Variants in SUGP2 observed in about 807,000 individuals in gnomAD.
SUGP2 encodes SURP and G-patch domain containing 2.
SUGP2 carries 24 observed loss-of-function variants against 90.5 expected under a neutral mutation model. The ratio of observed to expected loss-of-function variants is 0.27; its 90% CI spans 0.19 to 0.37. SUGP2 has a LOEUF of 0.37. Ranked by LOEUF, SUGP2 falls within the 10% of genes least tolerant of loss-of-function variation. The probability of loss-of-function intolerance (pLI) is 1.00; values close to 1 mark genes in which losing one functional copy is unlikely to be tolerated. For synonymous variants in SUGP2, 473 were observed against 513.4 expected, an observed-to-expected ratio of 0.92 and a Z score of 1.06; for missense variants, 1,233 against 1,363.3, an observed-to-expected ratio of 0.90 and a Z score of 1.51.
rs371808076 is a variant in SUGP2, at chr19:19,025,274, T to G, written c.1074A>C (p.Glu358Asp). 6.2e-7 allele frequency: 1 copy of G among 1,613,316 alleles called. No individual in the cohort carries two copies. Among genetic ancestry groups the G allele is most frequent in the African/African-American group, 1.3e-5 (1 of 74,912 alleles). ...SQLFQTLFEL[E>D]TETCAKMLAS... ...CAAGCATTTTAGCACAGGTTTCTGT[T>G]TCAAGTTCAAAGAGAGTCTGGAAAA... The change falls in exon 3 of 11, where the codon GAA becomes GAC. Residue 358 changes from glutamate (E) to aspartate (D), a missense_variant. Coordinates refer to ENST00000452918, the MANE Select transcript of SUGP2 (RefSeq NM_001017392.5).
chr19:18,996,478 C>T (rs772035867), intron 8 of SUGP2, among the ~76,000 whole-genome samples: 1 of 151,896 alleles, frequency 6.6e-6, no homozygotes, highest in Non-Finnish European at 1.5e-5. Context: ...CTCGGATTCC[C>T]GGCTTTAAGT....
chr19:19,013,749 C>A (rs138860786), intron 4 of SUGP2, among the ~76,000 whole-genome samples: 1 of 152,224 alleles, frequency 6.6e-6, no homozygotes, highest in Non-Finnish European at 1.5e-5. Flanking sequence ...TGTGTGAACA[C>A]GTAGGACCTG....
At chr19:19,024,475 A>T in intron 3 of SUGP2, 144 bp downstream of exon 3, 2 of 841,010 alleles carry the variant, frequency 2.4e-6, no homozygotes, top group Non-Finnish European at 3.6e-6. Context: ...TGGCAGACAT[A>T]TATTGGCCAA....
chr19:19,002,052 C>T (rs532901503), intron 7 of SUGP2, among the ~76,000 whole-genome samples: 1 of 152,208 alleles, frequency 6.6e-6, no homozygotes, highest in Non-Finnish European at 1.5e-5. Flanking sequence ...ATACTGTGCC[C>T]TCCTAGTTTA....
At position 19,026,089 on chromosome 19, in the gene SUGP2, C is replaced by G; in HGVS notation, c.259G>C (p.Gly87Arg). Residue 87 changes from glycine (G) to arginine (R), a missense_variant, in exon 3 of 11, where the codon GGG (glycine) becomes CGG (arginine). By Grantham distance (125) the Gly-to-Arg change is moderately radical (BLOSUM62 -2). Around this residue, in one of 8 missense-constraint regions of SUGP2, gnomAD observed 418 missense variants for 399.9 expected, o/e 1.05. Transcript: ENST00000452918. The stretch of plus-strand genomic sequence containing the variant: ...GGGTTGCTTGATCTGAAGGAAGGCC[C>G]TGGAAATACGTCACTTCTCAGGCCT... ...REGLRSDVFPGPSFRSSNPSI... is the reference protein window; with the variant it reads ...REGLRSDVFPRPSFRSSNPSI... 6.2e-7 allele frequency: 1 copy of G among 1,614,106 alleles called. No individual in the cohort carries two copies. The highest frequency in any genetic ancestry group is 8.5e-7 in the Non-Finnish European group (1 of 1,180,036).
chr19:19,021,273 T>C (rs115713066), intron 3 of SUGP2, among the ~76,000 whole-genome samples: 1,553 of 152,038 alleles, frequency 0.01, 22 homozygotes, highest in African/African-American at 0.023. Flanking sequence ...AATGATTGCA[T>C]AGTCCTGTGC....
intron 8 of SUGP2, among the ~76,000 whole-genome samples, chr19:18,996,831 C>T (rs1462879429): frequency 1.3e-5 from 2 of 152,188 alleles, no homozygotes; most frequent in Non-Finnish European, 2.9e-5. Flanking sequence ...GCTGGGATTA[C>T]AGGCATGAGC....
intron 1 of SUGP2, among the ~76,000 whole-genome samples, chr19:19,032,665 G>A (rs977138192): frequency 6.6e-6 from 1 of 152,108 alleles, no homozygotes; most frequent in African/African-American, 2.4e-5. Flanking sequence ...AATGACATTA[G>A]GGTGAGGAGG....
intron 6 of SUGP2, among the ~76,000 whole-genome samples, chr19:19,007,987 G>A (rs953648020): frequency 6.6e-6 from 1 of 152,068 alleles, no homozygotes; most frequent in Non-Finnish European, 1.5e-5. Context: ...TCGAACTCCT[G>A]AACTCGGGTG....
rs1426899610 is a variant in SUGP2, at chr19:19,004,275, T to C, written c.2822A>G (p.Gln941Arg). 1.9e-6 allele frequency: 3 copies of C among 1,613,726 alleles called. No homozygotes were observed. Residue 941 changes from glutamine to arginine, a missense_variant, in exon 7 of 11, where the codon CAG becomes CGG. Gln to Arg is a conservative substitution (Grantham distance 43, BLOSUM62 1). This residue lies in a region of SUGP2 where 105 missense variants were observed against 155.2 expected (regional missense o/e 0.68). Transcript: ENST00000452918. ...DDLAGAPALS[Q>R]ASSGTCFPRK... The stretch of plus-strand genomic sequence containing the variant: ...AGGGAAGCAGGTACCTGAGGAGGCC[T>C]GTGACAAGGCAGGTGCTCCAGCCAG...
chr19:19,033,751 G>T, upstream of SUGP2: 1 of 255,468 alleles, frequency 3.9e-6, no homozygotes. Context: ...AGGTGGCCTC[G>T]TTGGCTTTAC....
intron 2 of SUGP2, among the ~76,000 whole-genome samples, chr19:19,029,847 G>A (rs1281216543): frequency 1.3e-5 from 2 of 152,030 alleles, no homozygotes; most frequent in Non-Finnish European, 2.9e-5. Context: ...GGAGGCTGAG[G>A]CAGGAGAATC....
chr19:19,020,391 C>T (rs1266563842), intron 3 of SUGP2, among the ~76,000 whole-genome samples: 2 of 150,074 alleles, frequency 1.3e-5, no homozygotes, highest in Non-Finnish European at 3.0e-5. Context: ...GAGATTGCGC[C>T]ACTGCACTCC....
chr19:19,026,234 A>G lies in SUGP2; in HGVS notation c.122-8T>C. On this transcript the variant is annotated splice_polypyrimidine_tract_variant and splice_region_variant and intron_variant, in intron 2 of 10. Transcript: ENST00000452918. ...GGACTGCCCTTAAGAGATCTGAAAT[A>G]AACCATCCAAAAAAAAAAAAGAAGA... 6.7e-7 allele frequency: 1 copy of G among 1,501,140 alleles called. No homozygotes were observed. The highest frequency in any genetic ancestry group is 1.3e-5 in the South Asian group (1 of 77,194). The allele number at this position is 1,501,140 out of a possible 1,614,324, so 93.0% of individuals were successfully genotyped here.
rs775291909 is a variant in SUGP2, at chr19:19,026,195, T to C, written c.153A>G (p.Ala51=). 2 of 1,606,996 alleles carry C rather than the reference T, an allele frequency of 1.2e-6. No homozygotes were observed. Among genetic ancestry groups the C allele is most frequent in the Non-Finnish European group, 1.7e-6 (2 of 1,177,092 alleles). The change falls in exon 3 of 11, where the codon GCA becomes GCG. Residue 51 remains alanine, a synonymous_variant. Transcript: ENST00000452918. ...DLLRAVPRSR[A]EMYDDVHSDG... ...CGCTGTGGACGTCATCATACATCTC[T>C]GCTCTGGATCTTGGGACTGCCCTTA...
intron 6 of SUGP2, among the ~76,000 whole-genome samples, chr19:19,008,025 C>T (rs989948201): frequency 2.6e-5 from 4 of 152,030 alleles, no homozygotes; most frequent in Non-Finnish European, 4.4e-5. Flanking sequence ...TCCCTTAGGC[C>T]CCTGGCTCAG....
At chr19:19,001,928 C>G (rs989587804) in intron 7 of SUGP2, among the ~76,000 whole-genome samples, 1 of 152,160 alleles carries the variant, frequency 6.6e-6, no homozygotes, top group Non-Finnish European at 1.5e-5. Flanking sequence ...CGGTGCCTTG[C>G]TTTTGGAAAG....
Position 18,992,014 on chromosome 19 carries a change from C to A in SUGP2, c.*1727G>T, listed in dbSNP as rs1393574114. 1 of 152,202 alleles carries A rather than the reference C, an allele frequency of 6.6e-6. No homozygotes were observed. Among genetic ancestry groups the A allele is most frequent in the Non-Finnish European group, 1.5e-5 (1 of 68,084 alleles). The allele number at this position is 152,202 out of a possible 1,614,324, so 9.4% of individuals were successfully genotyped here. A position where few individuals can be genotyped will look rare whatever the true frequency, so the allele number is the denominator to read the frequency against. ...GGACCAGGCAGACAAGGAGCTGGGA[C>A]CACAGCCTAGGAAGTCTGTGGCTTA... On this transcript the variant is annotated 3_prime_UTR_variant, in exon 11 of 11. Coordinates refer to ENST00000452918, the MANE Select transcript of SUGP2 (RefSeq NM_001017392.5).
chr19:19,026,504 T>A (rs1461334261), intron 2 of SUGP2, among the ~76,000 whole-genome samples: 2 of 152,204 alleles, frequency 1.3e-5, no homozygotes, highest in Non-Finnish European at 2.9e-5. Flanking sequence ...AGTAGCAGCC[T>A]GACGGGCAAG....
Sources: allele counts gnomAD v4.1 joint callset (sites outside exome capture counted in the v4.1 genomes callset), GRCh38; gene constraint gnomAD v4.1.1; regional missense constraint gnomAD v4.1.1; transcripts MANE v1.5; gene names NCBI Gene and HGNC (gene_info 2026-07-23, HGNC 2026-07-21).